The following CCNY variants were observed in gnomAD, a reference collection of about 807,000 sequenced individuals.
CCNY encodes the protein cyclin-Y.
In CCNY, 19 loss-of-function variants were observed where a neutral mutation model predicts 42.8. The ratio of observed to expected loss-of-function variants is 0.44; its 90% confidence interval spans 0.31 to 0.65. The LOEUF (loss-of-function observed/expected upper bound fraction) is 0.65. Among genes scored for constraint, CCNY ranks in the 30% least tolerant of loss-of-function variants. The probability of loss-of-function intolerance (pLI) is 0.07; values close to 1 mark genes in which losing one functional copy is unlikely to be tolerated. For missense variants in CCNY, 370 were observed against 437.3 expected, an observed-to-expected ratio of 0.85 and a Z score of 1.37; for synonymous variants, 165 against 162.7, an observed-to-expected ratio of 1.01 and a Z score of -0.11.
At chr10:35,536,108 G>A (rs1333577468) in intron 7 of CCNY, among the ~76,000 whole-genome samples, 1 of 152,146 alleles carries the variant, frequency 6.6e-6, no homozygotes, top group African/African-American at 2.4e-5. Flanking sequence ...ATTGTGGGAG[G>A]GACCTGGTGG....
At chr10:35,369,052 A>G (rs1161785819) in intron 1 of CCNY, among the ~76,000 whole-genome samples, 2 of 152,238 alleles carry the variant, frequency 1.3e-5, no homozygotes, top group African/African-American at 4.8e-5. Context: ...GGTGATTTAC[A>G]TCGTGGAGAT....
chr10:35,473,081 T>A (rs1175089044), intron 1 of CCNY, among the ~76,000 whole-genome samples: 2 of 152,276 alleles, frequency 1.3e-5, no homozygotes, highest in Admixed American at 1.3e-4. Flanking sequence ...AGCATGCTAT[T>A]CTGTGTCTCC....
At chr10:35,312,201 C>T (rs1417765905) in intron 3 of CCNY, among the ~76,000 whole-genome samples, 1 of 151,682 alleles carries the variant, frequency 6.6e-6, no homozygotes, top group East Asian at 1.9e-4. Context: ...CACGGTGAAA[C>T]CCTGTCTTTA....
intron 7 of CCNY, among the ~76,000 whole-genome samples, chr10:35,543,481 A>G (rs990149505): frequency 5.9e-5 from 9 of 152,242 alleles, no homozygotes; most frequent in Non-Finnish European, 1.2e-4. Context: ...TGGAGCTCAG[A>G]AATTCCTGTC....
chr10:35,328,800 TAC>T (rs763246101), intron 3 of CCNY, among the ~76,000 whole-genome samples: 1 of 152,220 alleles, frequency 6.6e-6, no homozygotes, highest in Non-Finnish European at 1.5e-5. Context: ...TATTTTGGTC[TAC>T]CACAGGGAAA....
chr10:35,497,535 C>G (rs1467446413), intron 2 of CCNY, among the ~76,000 whole-genome samples: 1 of 151,912 alleles, frequency 6.6e-6, no homozygotes, highest in Non-Finnish European at 1.5e-5. Context: ...GTGAGGAGTT[C>G]GAGACCAGCC....
intron 2 of CCNY, among the ~76,000 whole-genome samples, chr10:35,499,054 A>C (rs1327932872): frequency 6.6e-6 from 1 of 151,958 alleles, no homozygotes; most frequent in African/African-American, 2.4e-5. Flanking sequence ...TTCCTCCCTG[A>C]GATTGATCCT....
intron 1 of CCNY, among the ~76,000 whole-genome samples, chr10:35,415,794 A>G (rs902471188): frequency 1.3e-5 from 2 of 152,208 alleles, no homozygotes; most frequent in Non-Finnish European, 2.9e-5. Context: ...GCTTACTTCC[A>G]GATCACTGTA....
At chr10:35,307,487 A>G (rs1437510084) in intron 3 of CCNY, among the ~76,000 whole-genome samples, 4 of 152,154 alleles carry the variant, frequency 2.6e-5, no homozygotes, top group Non-Finnish European at 5.9e-5. Context: ...TTAAGCACCT[A>G]TTCCTGTGAC....
chr10:35,339,438 C>G (rs1447189261), intron 1 of CCNY, among the ~76,000 whole-genome samples: 1 of 152,024 alleles, frequency 6.6e-6, no homozygotes, highest in African/African-American at 2.4e-5. Flanking sequence ...TATATACACA[C>G]TATATACATC....
chr10:35,497,351 C>T (rs1840022591), intron 2 of CCNY, among the ~76,000 whole-genome samples: 1 of 152,164 alleles, frequency 6.6e-6, no homozygotes, highest in African/African-American at 2.4e-5. Context: ...GAGCTGTACC[C>T]ACATCAGCCT....
intron 1 of CCNY, among the ~76,000 whole-genome samples, chr10:35,451,972 A>G (rs752738902): frequency 6.6e-5 from 10 of 152,222 alleles, no homozygotes; most frequent in Non-Finnish European, 1.0e-4. Flanking sequence ...ACTTTGTGTT[A>G]TAGTGAAGTA....
chr10:35,553,896 A>G lies in CCNY; in HGVS notation c.746+711A>G, dbSNP rs182762217. On this transcript the variant is annotated intron_variant, in intron 8 of 9. Coordinates refer to ENST00000374704, the MANE Select transcript of CCNY (RefSeq NM_145012.6). ...TCTGGGGGGTCTCTAGGGACTGGGA[A>G]TCCAGGAACTGAGTTCAGAGCCCTT... Among the ~76,000 whole-genome samples, 281 of 152,284 alleles carry G rather than the reference A, an allele frequency of 1.8e-3. 4 individuals are homozygous for G. In the Middle Eastern group the frequency reaches 0.054, roughly 29 times the overall value.
chr10:35,563,857 C>T (rs1313401539), intron 8 of CCNY, among the ~76,000 whole-genome samples: 1 of 151,502 alleles, frequency 6.6e-6, no homozygotes, highest in Non-Finnish European at 1.5e-5. Flanking sequence ...TAGAGGTGCC[C>T]ACCACCATGC....
chr10:35,339,767 C>T (rs542066749), intron 1 of CCNY, among the ~76,000 whole-genome samples: 6 of 152,142 alleles, frequency 3.9e-5, no homozygotes, highest in South Asian at 2.1e-4. Flanking sequence ...TGTAGAATTT[C>T]AGTAATTTTA....
intron 1 of CCNY, among the ~76,000 whole-genome samples, chr10:35,403,250 C>T (rs572312597): frequency 1.3e-5 from 2 of 152,162 alleles, no homozygotes; most frequent in Non-Finnish European, 2.9e-5. Flanking sequence ...TTCTAAGAGA[C>T]GGGCTAGTGG....
At chr10:35,545,870 AAG>A (rs1311585335) in intron 7 of CCNY, among the ~76,000 whole-genome samples, 14 of 152,364 alleles carry the variant, frequency 9.2e-5, no homozygotes, top group Admixed American at 3.3e-4. Flanking sequence ...AGGTACAAAA[AAG>A]AATCCAAATG....
intron 3 of CCNY, among the ~76,000 whole-genome samples, chr10:35,504,501 A>G (rs1214381119): frequency 1.3e-5 from 2 of 152,228 alleles, no homozygotes; most frequent in Non-Finnish European, 2.9e-5. Context: ...GCTTGAAGCC[A>G]TTTGAAAATA....
chr10:35,322,508 T>C (rs961265346), intron 3 of CCNY, among the ~76,000 whole-genome samples: 16 of 151,808 alleles, frequency 1.1e-4, no homozygotes, highest in African/African-American at 3.9e-4. Flanking sequence ...AGCAAAAAAT[T>C]AGACTTTTAC....
Sources: allele counts gnomAD v4.1 joint callset (sites outside exome capture counted in the v4.1 genomes callset), GRCh38; gene constraint gnomAD v4.1.1; transcripts MANE v1.5; gene names NCBI Gene and HGNC (gene_info 2026-07-23, HGNC 2026-07-21).